The following EML5 variants were observed in gnomAD, a reference collection of about 807,000 sequenced individuals.
EML5 encodes the protein EMAP like 5.
A neutral mutation model predicts 250.0 loss-of-function variants in EML5; 120 were observed. That is an observed-to-expected ratio of 0.48 (90% confidence interval 0.41 to 0.56). The LOEUF is 0.56. Ranked by LOEUF, EML5 falls within the 20% of genes least tolerant of loss-of-function variation. The pLI, the probability that EML5 is intolerant of heterozygous loss-of-function variation, is 0.00. For missense variants in EML5, 2,006 were observed against 2,437.6 expected (o/e 0.82, Z 3.73); for synonymous variants, 771 against 806.5 (o/e 0.96, Z 0.75).
chr14:88,701,381 T>C (rs960723205), intron 14 of EML5, among the ~76,000 whole-genome samples: 104 of 152,324 alleles, frequency 6.8e-4, no homozygotes, highest in African/African-American at 2.4e-3. Flanking sequence ...GCTTCTCTGC[T>C]CTATACTTAG....
In EML5 at chr14:88,766,938, A is replaced by C. The variant is rs141298532; in HGVS notation, c.198-12267T>G. ...TTTCCCCCGATAGCACACAGTTATA[A>C]CAAATGTTTTACATTCTTTCATAAA... On this transcript the variant is annotated intron_variant, in intron 1 of 43. Coordinates refer to ENST00000554922, the MANE Select transcript of EML5 (RefSeq NM_183387.3). 5.1e-3 allele frequency among the ~76,000 whole-genome samples: 773 copies of C among 152,262 alleles called. 2 individuals carry two copies. The highest frequency in any genetic ancestry group is 0.014 in the Middle Eastern group (4 of 294).
intron 28 of EML5, 139 bp downstream of exon 28, chr14:88,649,773 T>A (rs1008844065): frequency 1.0e-4 from 66 of 645,388 alleles, no homozygotes; most frequent in Non-Finnish European, 1.5e-4. Flanking sequence ...TTTATAGAAT[T>A]TGTCCTACTT....
chr14:88,653,021 TG>T (rs1324391242), intron 27 of EML5, among the ~76,000 whole-genome samples: 2 of 152,162 alleles, frequency 1.3e-5, no homozygotes, highest in Admixed American at 6.6e-5. Flanking sequence ...TCACATCCCT[TG>T]TAAGTTGTAT....
chr14:88,775,153 C>T (rs554064111), intron 1 of EML5, among the ~76,000 whole-genome samples: 2 of 152,098 alleles, frequency 1.3e-5, no homozygotes, highest in Non-Finnish European at 2.9e-5. Context: ...GCCTCTGAGG[C>T]TTGCTGGCTT....
chr14:88,739,605 T>A (rs756850352), intron 5 of EML5, among the ~76,000 whole-genome samples: 3 of 152,186 alleles, frequency 2.0e-5, no homozygotes, highest in Non-Finnish European at 2.9e-5. Flanking sequence ...AACATTTAGG[T>A]AACTTTGGGC....
chr14:88,696,764 T>G, intron 15 of EML5, 83 bp downstream of exon 15: 2 of 871,474 alleles, frequency 2.3e-6, no homozygotes, highest in East Asian at 5.3e-5. Flanking sequence ...AATGACAAGC[T>G]TAGGTAACAC....
At chr14:88,646,983 A>G (rs560725400) in intron 28 of EML5, 28 bp from the exon 29 acceptor site, 2 of 1,588,536 alleles carry the variant, frequency 1.3e-6, no homozygotes, top group African/African-American at 2.7e-5. Flanking sequence ...AAGAGGGAAA[A>G]AGATTACAAC....
intron 15 of EML5, 126 bp from the exon 16 acceptor site, chr14:88,695,580 T>C (rs554971333): frequency 2.5e-5 from 21 of 855,632 alleles, no homozygotes; most frequent in Non-Finnish European, 3.4e-5. Flanking sequence ...ATGTTAGGCA[T>C]GCATACACCT....
chr14:88,618,083 A>G, intron 41 of EML5, 145 bp downstream of exon 41: 1 of 532,484 alleles, frequency 1.9e-6, no homozygotes, highest in Non-Finnish European at 3.2e-6. Context: ...GGGTCCCAAC[A>G]TGAACATACC....
chr14:88,661,914 G>T, intron 24 of EML5, 84 bp from the exon 25 acceptor site: 2 of 1,205,796 alleles, frequency 1.7e-6, no homozygotes, highest in Non-Finnish European at 2.3e-6. Context: ...TTTCTTTGTA[G>T]TTATGTGTGT....
At chr14:88,759,685 T>TTAAA (rs559546488) in intron 1 of EML5, among the ~76,000 whole-genome samples, 2 of 92,904 alleles carry the variant, frequency 2.2e-5, no homozygotes, top group Non-Finnish European at 1.9e-5. Context: ...CACCATCTCT[T>TTAAA]AAAAAAAAAA....
Position 88,695,379 on chromosome 14 carries a change from T to C in EML5, c.2420A>G (p.Glu807Gly). Residue 807 changes from glutamate (E) to glycine (G), a missense_variant, in exon 16 of 44, where the codon GAG becomes GGG. Physicochemically the swap from Glu to Gly is moderately conservative, Grantham distance 98. Coordinates refer to ENST00000554922, the MANE Select transcript of EML5 (RefSeq NM_183387.3). ...TVVLWDWKKG[E>G]KLSIARGSKD... ...TTCCTACCTTGCTATTGAAAGTTTC[T>C]CTCCTTTCTTCCAGTCCCAGAGCAC... 6.2e-7 allele frequency: 1 copy of C among 1,611,174 alleles called. No individual in the cohort carries two copies. Among genetic ancestry groups the C allele is most frequent in the African/African-American group, 1.3e-5 (1 of 74,988 alleles).
At chr14:88,735,700 T>C (rs1417625003) in intron 7 of EML5, among the ~76,000 whole-genome samples, 3 of 152,128 alleles carry the variant, frequency 2.0e-5, no homozygotes, top group African/African-American at 7.2e-5. Flanking sequence ...ATGTACAAAA[T>C]GACAAATGTA....
At chr14:88,624,940 A>G (rs1189550320) in intron 36 of EML5, 30 bp downstream of exon 36, 2 of 1,610,552 alleles carry the variant, frequency 1.2e-6, no homozygotes, top group Admixed American at 3.4e-5. Context: ...ACAAATGCAT[A>G]AATATTCTGT....
chr14:88,648,374 G>A (rs186298613), intron 28 of EML5, among the ~76,000 whole-genome samples: 1 of 152,008 alleles, frequency 6.6e-6, no homozygotes, highest in African/African-American at 2.4e-5. Flanking sequence ...ATTTTTTTGA[G>A]ACAGGGTCTT....
At chr14:88,698,577 A>G (rs2093135688) in intron 14 of EML5, among the ~76,000 whole-genome samples, 1 of 151,952 alleles carries the variant, frequency 6.6e-6, no homozygotes, top group Non-Finnish European at 1.5e-5. Context: ...CTTGACTCCT[A>G]CTACTGAGTT....
intron 1 of EML5, among the ~76,000 whole-genome samples, chr14:88,768,041 A>G (rs2094342845): frequency 6.6e-6 from 1 of 152,186 alleles, no homozygotes; most frequent in Admixed American, 6.5e-5. Flanking sequence ...GAACTTTTGA[A>G]GAATACTAAC....
At chr14:88,673,972 T>A (rs1390409243) in intron 21 of EML5, among the ~76,000 whole-genome samples, 1 of 152,146 alleles carries the variant, frequency 6.6e-6, no homozygotes, top group African/African-American at 2.4e-5. Flanking sequence ...CTCACACTGC[T>A]ATGAAGAAAT....
At chr14:88,699,740 T>C (rs889142065) in intron 14 of EML5, among the ~76,000 whole-genome samples, 1 of 152,102 alleles carries the variant, frequency 6.6e-6, no homozygotes, top group African/African-American at 2.4e-5. Context: ...TGGGTGCTAC[T>C]TGAGGACTGA....
Sources: allele counts gnomAD v4.1 joint callset (sites outside exome capture counted in the v4.1 genomes callset), GRCh38; gene constraint gnomAD v4.1.1; transcripts MANE v1.5; gene names NCBI Gene and HGNC (gene_info 2026-07-23, HGNC 2026-07-21).